The following DNAAF5 variants were observed in gnomAD, a reference collection of about 807,000 sequenced individuals.
The protein encoded by DNAAF5 is dynein axonemal assembly factor 5.
DNAAF5 carries 64 observed loss-of-function variants against 75.8 expected under a neutral mutation model. That is an observed-to-expected ratio of 0.84 (90% CI 0.69 to 1.04). The LOEUF (loss-of-function observed/expected upper bound fraction) is 1.04. DNAAF5 is among the 50% of genes least tolerant of loss of function. The probability of loss-of-function intolerance (pLI) is 0.00; values close to 1 mark genes in which losing one functional copy is unlikely to be tolerated. For missense variants in DNAAF5, 1,269 were observed against 1,178.5 expected (o/e 1.08, Z -1.12); for synonymous variants, 657 against 557.2 (o/e 1.18, Z -2.52).
intron 4 of DNAAF5, among the ~76,000 whole-genome samples, chr7:751,840 C>T (rs1782305977): frequency 6.6e-6 from 1 of 152,140 alleles, no homozygotes; most frequent in South Asian, 2.1e-4. Context: ...TCGCAAAGTG[C>T]TGGGATTACA....
At chr7:745,510 C>T (rs920730514) in intron 4 of DNAAF5, among the ~76,000 whole-genome samples, 6 of 152,274 alleles carry the variant, frequency 3.9e-5, no homozygotes, top group African/African-American at 1.2e-4. Flanking sequence ...CACACACGTG[C>T]ACATATGCAC....
intron 2 of DNAAF5, among the ~76,000 whole-genome samples, chr7:735,344 A>T (rs1258182405): frequency 7.1e-6 from 1 of 141,490 alleles, no homozygotes; most frequent in African/African-American, 2.7e-5. Flanking sequence ...CTCACGGTGT[A>T]GCTGCTCATG....
At chr7:738,959 C>T (rs1283918994) in intron 2 of DNAAF5, among the ~76,000 whole-genome samples, 1 of 152,250 alleles carries the variant, frequency 6.6e-6, no homozygotes, top group Non-Finnish European at 1.5e-5. Context: ...TCAGACTGCT[C>T]CCTGGCTGCC....
At chr7:752,164 C>T (rs1404799447) in intron 4 of DNAAF5, among the ~76,000 whole-genome samples, 2 of 152,246 alleles carry the variant, frequency 1.3e-5, no homozygotes, top group African/African-American at 2.4e-5. Context: ...CATTTAATGG[C>T]ATCTTTTAAT....
rs530934313 is a variant in DNAAF5 at position 753,846 on chromosome 7, G to A, written c.1025-743G>A. Among the ~76,000 whole-genome samples the A allele has an allele frequency of 1.2e-4, 18 of 145,480 alleles. No individual in the cohort carries two copies. The East Asian group carries it at 1.9e-3, about 15-fold the overall frequency. The stretch of plus-strand genomic sequence containing the variant: ...ATCATATGGGGATGGCTTCGCAGGC[G>A]TGTCTCTCTGATCATATGGCGACGG... On this transcript the variant is annotated intron_variant, in intron 4 of 12. Coordinates refer to ENST00000297440, the MANE Select transcript of DNAAF5 (RefSeq NM_017802.4).
chr7:780,754 C>T (rs1778909049), intron 12 of DNAAF5, among the ~76,000 whole-genome samples: 1 of 152,204 alleles, frequency 6.6e-6, no homozygotes, highest in African/African-American at 2.4e-5. Context: ...ACCACAGAGC[C>T]TTCCACGCTC....
intron 4 of DNAAF5, among the ~76,000 whole-genome samples, chr7:747,153 G>GGGCCATAGGTAC (rs1782142550): frequency 6.6e-6 from 1 of 152,222 alleles, no homozygotes; most frequent in Non-Finnish European, 1.5e-5. Flanking sequence ...TGGGGTTGCT[G>GGGCCATAGGTAC]GGCCATAGGT....
chr7:780,454 C>G (rs1379783600), intron 12 of DNAAF5, among the ~76,000 whole-genome samples: 1 of 152,210 alleles, frequency 6.6e-6, no homozygotes, highest in Non-Finnish European at 1.5e-5. Context: ...AAAATACTTT[C>G]CAAAACAAAA....
chr7:760,085 AGCTCTGAGGGAGACGGGGCCGCGC>A (rs1782598388), intron 6 of DNAAF5, among the ~76,000 whole-genome samples: 1 of 11,472 alleles, frequency 8.7e-5, no homozygotes, highest in African/African-American at 2.5e-4. Flanking sequence ...CGGCTCCTCC[AGCTCTGAGGGAGACGGGGCCGCGC>A]GGCTCCTCCA....
At position 756,958 on chromosome 7, in the gene DNAAF5, G is replaced by A; in HGVS notation, c.1434G>A (p.Glu478=). The change falls in exon 6 of 13, where the codon GAG becomes GAA. Residue 478 remains glutamate (E), a synonymous_variant. Transcript: ENST00000297440. Reference sequence around the variant, plus strand: ...CGCACCTGGCAGCCATCGCCACAGAGCTGGCACAGGCCCACATCTGCCAGG... The same window carrying A: ...CGCACCTGGCAGCCATCGCCACAGAACTGGCACAGGCCCACATCTGCCAGG... The part of the protein sequence containing the change: ...LQPHLAAIAT[E]LAQAHICQAS... The A allele has an allele frequency of 6.2e-7, 1 of 1,606,490 alleles. No individual in the cohort carries two copies. Among genetic ancestry groups the A allele is most frequent in the Non-Finnish European group, 8.5e-7 (1 of 1,179,888 alleles).
rs77967361 is a variant in DNAAF5 at position 773,509 on chromosome 7, G to T, written c.1932-539G>T. Among the ~76,000 whole-genome samples, 1,385 of 152,318 alleles carry T rather than the reference G, an allele frequency of 9.1e-3. 25 individuals carry two copies. Among genetic ancestry groups the T allele is most frequent in the African/African-American group, 0.032 (1,332 of 41,558 alleles). On this transcript the variant is annotated intron_variant, in intron 9 of 12. Transcript: ENST00000297440. ...GTCGCCGACAGGGTGGGAACTGCCC[G>T]TCTCTCTGAGCTGTGGCCCTTGGGT...
At chr7:735,249 CGTG>C (rs1458863440) in intron 2 of DNAAF5, among the ~76,000 whole-genome samples, 5 of 138,000 alleles carry the variant, frequency 3.6e-5, no homozygotes, top group African/African-American at 1.1e-4. Flanking sequence ...TACCGTTGCT[CGTG>C]GTGTTGTTCT....
chr7:783,065 T>G (rs1253215344), intron 12 of DNAAF5, among the ~76,000 whole-genome samples: 1 of 152,250 alleles, frequency 6.6e-6, no homozygotes, highest in African/African-American at 2.4e-5. Flanking sequence ...TGTGATTTTT[T>G]GTGTGAGAGC....
At position 727,213 on chromosome 7, in the gene DNAAF5, G is replaced by T; in HGVS notation, c.493G>T (p.Asp165Tyr). The change falls in exon 1 of 13, where the codon GAC (aspartate) becomes TAC (tyrosine). Residue 165 changes from aspartate (D) to tyrosine (Y), a missense_variant. Physicochemically the swap from Asp to Tyr is radical, Grantham distance 160. Coordinates refer to ENST00000297440, the MANE Select transcript of DNAAF5 (RefSeq NM_017802.4). ...LCGAALAPHL[D>Y]DALRALRCSL... ...CGGCGCCGCGCTCGCGCCCCACCTG[G>T]ACGACGCTCTGCGCGCGCTGCGCTG... is the stretch of plus-strand genomic sequence containing the variant. 2 of 1,351,246 alleles carry T rather than the reference G, an allele frequency of 1.5e-6. No homozygotes were observed. The highest frequency in any genetic ancestry group is 1.9e-6 in the Non-Finnish European group (2 of 1,050,524). The allele number at this position is 1,351,246 out of a possible 1,614,324, so 83.7% of individuals were successfully genotyped here.
At chr7:766,713 G>C (rs1412686387) in intron 8 of DNAAF5, among the ~76,000 whole-genome samples, 1 of 152,104 alleles carries the variant, frequency 6.6e-6, no homozygotes, top group African/African-American at 2.4e-5. Flanking sequence ...TAGAGGCTGA[G>C]GCAAGGAGGC....
In DNAAF5 at chr7:785,964, A is replaced by T; in HGVS notation, c.*311A>T. 2 of 291,728 alleles carry T rather than the reference A, an allele frequency of 6.9e-6. No individual in the cohort carries two copies. Among genetic ancestry groups the T allele is most frequent in the South Asian group, 6.4e-5 (1 of 15,588 alleles). The allele number at this position is 291,728 out of a possible 1,614,324, so 18.1% of individuals were successfully genotyped here. On this transcript the variant is annotated 3_prime_UTR_variant, in exon 13 of 13. Transcript: ENST00000297440. ...CTTAGATTTTAAGCCTCACGTGCGC[A>T]GCTGGTTCATGAACTATTGGCTGCA... is the stretch of plus-strand genomic sequence containing the variant.
intron 2 of DNAAF5, among the ~76,000 whole-genome samples, chr7:732,785 TTG>T (rs927003368): frequency 1.3e-5 from 2 of 152,204 alleles, no homozygotes; most frequent in African/African-American, 4.8e-5. Flanking sequence ...ATCCTGTGGG[TTG>T]TCTCCTCACT....
chr7:746,447 C>T lies in DNAAF5; in HGVS notation c.1024+4982C>T, dbSNP rs1583488164. ...CACCCAACATGCCCAGGGCCTGTGA[C>T]GCCCTCCTTACCGTCCTGCTGCCCC... is the stretch of plus-strand genomic sequence containing the variant. On this transcript the variant is annotated intron_variant, in intron 4 of 12. Coordinates refer to ENST00000297440, the MANE Select transcript of DNAAF5 (RefSeq NM_017802.4). Among the ~76,000 whole-genome samples, 2 of 108,190 alleles carry T rather than the reference C, an allele frequency of 1.8e-5. 1 individual carries two copies. Among genetic ancestry groups the T allele is most frequent in the South Asian group, 7.5e-4 (2 of 2,660 alleles). 71.0% of individuals were successfully genotyped at this position (108,190 alleles called of 152,430 possible).
At chr7:761,982 G>A (rs879351123) in intron 7 of DNAAF5, 86 bp downstream of exon 7, 10 of 200,566 alleles carry the variant, frequency 5.0e-5, no homozygotes, top group Non-Finnish European at 7.6e-5. Context: ...TGTCTCCTAT[G>A]CATCCCCTCT....
Sources: allele counts gnomAD v4.1 joint callset (sites outside exome capture counted in the v4.1 genomes callset), GRCh38; gene constraint gnomAD v4.1.1; transcripts MANE v1.5; gene names NCBI Gene and HGNC (gene_info 2026-07-23, HGNC 2026-07-21).